Variants in C8orf34 observed in about 807,000 individuals in gnomAD.
C8orf34 encodes chromosome 8 open reading frame 34.
In C8orf34, 65 loss-of-function variants were observed where a neutral mutation model predicts 68.3. That is an observed-to-expected ratio of 0.95 (90% CI 0.78 to 1.17). The LOEUF (loss-of-function observed/expected upper bound fraction) is 1.17. Ranked by LOEUF, C8orf34 falls within the 50% of genes most tolerant of loss-of-function variation. C8orf34 has a pLI of 0.00. For synonymous variants in C8orf34, 244 were observed against 241.2 expected (o/e 1.01, Z -0.11); for missense variants, 664 against 655.4 (o/e 1.01, Z -0.14).
At chr8:68,778,693 T>G (rs1267763022) in intron 11 of C8orf34, among the ~76,000 whole-genome samples, 1 of 152,186 alleles carries the variant, frequency 6.6e-6, no homozygotes, top group Non-Finnish European at 1.5e-5. Flanking sequence ...TTTAAAAATA[T>G]TACATGCTTT....
At chr8:68,753,842 A>T (rs976593673) in intron 10 of C8orf34, among the ~76,000 whole-genome samples, 2 of 152,146 alleles carry the variant, frequency 1.3e-5, no homozygotes, top group Non-Finnish European at 2.9e-5. Context: ...TTGACTAATC[A>T]CTTTGATCTG....
chr8:68,441,545 C>CT (rs1810911982), intron 2 of C8orf34, among the ~76,000 whole-genome samples: 1 of 152,052 alleles, frequency 6.6e-6, no homozygotes, highest in Non-Finnish European at 1.5e-5. Flanking sequence ...ATTGTCCAGG[C>CT]TTCAGTGCAG....
chr8:68,575,435 G>T (rs943212010), intron 7 of C8orf34, among the ~76,000 whole-genome samples: 2 of 151,958 alleles, frequency 1.3e-5, no homozygotes, highest in African/African-American at 4.8e-5. Flanking sequence ...ACTTCCTGAC[G>T]TATTTGTGTT....
intron 1 of C8orf34, among the ~76,000 whole-genome samples, chr8:68,416,512 C>CGTTT (rs35528191): frequency 6.8e-6 from 1 of 145,996 alleles, no homozygotes; most frequent in Non-Finnish European, 1.5e-5. Flanking sequence ...ATTAAACATA[C>CGTTT]ATTTATTTAT....
In C8orf34 at chr8:68,737,699, G is replaced by A. The variant is rs543165520; in HGVS notation, c.1404+16262G>A. On this transcript the variant is annotated intron_variant, in intron 10 of 13. Transcript: ENST00000518698. ...AAGAAAGGCATTACATAATGGTAAA[G>A]AGTTCAATTCAAGAAGACTGAAATA... 4.6e-5 allele frequency among the ~76,000 whole-genome samples: 7 copies of A among 152,100 alleles called. 1 individual carries two copies. The South Asian group carries it at 1.5e-3, about 32-fold the overall frequency.
intron 7 of C8orf34, among the ~76,000 whole-genome samples, chr8:68,637,450 C>T (rs10282901): frequency 0.012 from 1,858 of 152,072 alleles, 38 homozygotes; most frequent in African/African-American, 0.041. Flanking sequence ...ATTTCTAATG[C>T]TATTTTTAAA....
chr8:68,683,244 A>T (rs1269567711), intron 8 of C8orf34, among the ~76,000 whole-genome samples: 1 of 151,972 alleles, frequency 6.6e-6, no homozygotes, highest in Non-Finnish European at 1.5e-5. Flanking sequence ...GATTTTATTT[A>T]AAAAGATATT....
rs529358973 is a variant in C8orf34, at chr8:68,656,298, A to G, written c.1241+15787A>G. ...ATGGCATGACCACCACAATAAAAAT[A>G]TAATGTTTTATTTATAGAATAAATT... On this transcript the variant is annotated intron_variant, in intron 8 of 13. Coordinates refer to ENST00000518698, the MANE Select transcript of C8orf34 (RefSeq NM_052958.4). Among the ~76,000 whole-genome samples, 358 of 152,356 alleles carry G rather than the reference A, an allele frequency of 2.3e-3. 2 individuals carry two copies. Among genetic ancestry groups the G allele is most frequent in the Middle Eastern group, 6.8e-3 (2 of 294 alleles).
intron 8 of C8orf34, among the ~76,000 whole-genome samples, chr8:68,663,469 T>TA (rs1434764470): frequency 6.6e-6 from 1 of 152,172 alleles, no homozygotes; most frequent in Non-Finnish European, 1.5e-5. Flanking sequence ...AAATCTTATC[T>TA]AAAAAATCCC....
chr8:68,762,449 A>G (rs191758852), intron 10 of C8orf34, among the ~76,000 whole-genome samples: 21 of 152,336 alleles, frequency 1.4e-4, no homozygotes, highest in African/African-American at 5.1e-4. Context: ...GTTTATCTCA[A>G]TTAACATTGA....
chr8:68,622,525 C>A (rs1341213173), intron 7 of C8orf34, among the ~76,000 whole-genome samples: 2 of 152,070 alleles, frequency 1.3e-5, no homozygotes, highest in Non-Finnish European at 2.9e-5. Context: ...GCTTATATAG[C>A]AGTGTGGTAG....
At chr8:68,542,769 C>G (rs763812688) in intron 7 of C8orf34, among the ~76,000 whole-genome samples, 3 of 151,962 alleles carry the variant, frequency 2.0e-5, no homozygotes, top group African/African-American at 7.2e-5. Context: ...CAAGAACATA[C>G]GTTTTTTAAA....
chr8:68,497,678 C>T (rs1813584576), intron 5 of C8orf34, among the ~76,000 whole-genome samples: 1 of 151,932 alleles, frequency 6.6e-6, no homozygotes, highest in Non-Finnish European at 1.5e-5. Flanking sequence ...TACAGCTATA[C>T]AAATGAAAGG....
intron 9 of C8orf34, among the ~76,000 whole-genome samples, chr8:68,712,395 G>A (rs570296445): frequency 8.6e-5 from 13 of 151,972 alleles, no homozygotes; most frequent in Non-Finnish European, 1.8e-4. Flanking sequence ...TATACAAAAT[G>A]GCAAAATGGA....
chr8:68,771,255 C>T (rs1449410978), intron 10 of C8orf34, among the ~76,000 whole-genome samples: 1 of 152,066 alleles, frequency 6.6e-6, no homozygotes, highest in African/African-American at 2.4e-5. Flanking sequence ...TAAATCACTG[C>T]CTGTTCTTTT....
At chr8:68,807,369 C>G (rs1824516873) in intron 12 of C8orf34, among the ~76,000 whole-genome samples, 2 of 152,300 alleles carry the variant, frequency 1.3e-5, no homozygotes, top group African/African-American at 2.4e-5. Flanking sequence ...ATATTTTCAT[C>G]CATTTAACTC....
At chr8:68,603,387 A>C (rs1817756114) in intron 7 of C8orf34, among the ~76,000 whole-genome samples, 1 of 152,058 alleles carries the variant, frequency 6.6e-6, no homozygotes, top group Admixed American at 6.6e-5. Flanking sequence ...GATGCTCCTG[A>C]CTATATTCAT....
chr8:68,806,415 G>A (rs1824486416), intron 12 of C8orf34, among the ~76,000 whole-genome samples: 2 of 152,026 alleles, frequency 1.3e-5, no homozygotes, highest in Non-Finnish European at 2.9e-5. Flanking sequence ...TATTTTCACT[G>A]AGTATAAAAA....
intron 1 of C8orf34, among the ~76,000 whole-genome samples, chr8:68,358,440 C>T (rs1298529827): frequency 2.6e-5 from 4 of 151,444 alleles, no homozygotes; most frequent in Non-Finnish European, 5.9e-5. Flanking sequence ...TAGATAGACC[C>T]GCACAGATGA....
Sources: gnomAD v4.1 joint callset for allele counts (sites outside exome capture counted in the v4.1 genomes callset) on GRCh38, gnomAD v4.1.1 for gene constraint, MANE v1.5 for transcripts, NCBI Gene and HGNC (gene_info 2026-07-23, HGNC 2026-07-21) for gene names.